Variants in ZNF804A observed in about 807,000 individuals in gnomAD.
The protein encoded by ZNF804A is zinc finger protein 804A.
A neutral mutation model predicts 16.5 loss-of-function variants in ZNF804A; 2 were observed. The ratio of observed to expected loss-of-function variants is 0.12; its 90% CI spans 0.05 to 0.38. ZNF804A has a LOEUF of 0.38. Ranked by LOEUF, ZNF804A falls within the 10% of genes least tolerant of loss-of-function variation. The probability of loss-of-function intolerance (pLI) is 0.99; values close to 1 mark genes in which losing one functional copy is unlikely to be tolerated. For synonymous variants in ZNF804A, 534 were observed against 489.6 expected, an observed-to-expected ratio of 1.09 and a Z score of -1.20; for missense variants, 1,473 against 1,390.7, an observed-to-expected ratio of 1.06 and a Z score of -0.94.
chr2:184,665,549 G>A (rs1226628757), intron 1 of ZNF804A, among the ~76,000 whole-genome samples: 1 of 152,136 alleles, frequency 6.6e-6, no homozygotes, highest in African/African-American at 2.4e-5. Context: ...TTATCTCACA[G>A]TTCTGTAGGT....
chr2:184,784,436 T>C (rs1055538487), intron 1 of ZNF804A, among the ~76,000 whole-genome samples: 6 of 151,988 alleles, frequency 3.9e-5, no homozygotes, highest in African/African-American at 1.4e-4. Flanking sequence ...TCTGATGGCA[T>C]ACAGTTTATT....
intron 1 of ZNF804A, among the ~76,000 whole-genome samples, chr2:184,682,099 G>T (rs541778064): frequency 6.6e-6 from 1 of 152,176 alleles, no homozygotes; most frequent in South Asian, 2.1e-4. Context: ...CTGAGTCTTC[G>T]CATGGGCCTG....
chr2:184,605,186 G>T (rs1397695811), intron 1 of ZNF804A, among the ~76,000 whole-genome samples: 1 of 152,018 alleles, frequency 6.6e-6, no homozygotes, highest in African/African-American at 2.4e-5. Context: ...TAGTACTGTT[G>T]AAGCGACTTG....
At chr2:184,916,375 T>A (rs1159986743) in intron 2 of ZNF804A, among the ~76,000 whole-genome samples, 1 of 152,128 alleles carries the variant, frequency 6.6e-6, no homozygotes, top group African/African-American at 2.4e-5. Context: ...TCACTCCAAC[T>A]TGAAAGATGG....
At chr2:184,685,134 G>A (rs760161201) in intron 1 of ZNF804A, among the ~76,000 whole-genome samples, 11 of 152,098 alleles carry the variant, frequency 7.2e-5, no homozygotes, top group Non-Finnish European at 1.2e-4. Flanking sequence ...AGCCAGGCAC[G>A]CTGGCTGCTA....
intron 1 of ZNF804A, among the ~76,000 whole-genome samples, chr2:184,651,326 A>G (rs1691979829): frequency 6.6e-6 from 1 of 152,202 alleles, no homozygotes; most frequent in Non-Finnish European, 1.5e-5. Context: ...TAAGACCTCA[A>G]ATTTTAAGAA....
intron 1 of ZNF804A, among the ~76,000 whole-genome samples, chr2:184,685,448 G>A (rs1692613065): frequency 6.6e-6 from 1 of 152,084 alleles, no homozygotes; most frequent in South Asian, 2.1e-4. Context: ...TTGTGTTACA[G>A]CTCTTTCAGT....
intron 1 of ZNF804A, among the ~76,000 whole-genome samples, chr2:184,751,171 A>G (rs1311590154): frequency 6.6e-6 from 1 of 151,482 alleles, no homozygotes; most frequent in Middle Eastern, 3.2e-3. Context: ...TCCAGATTTC[A>G]ATTTTTTTTG....
intron 1 of ZNF804A, among the ~76,000 whole-genome samples, chr2:184,729,373 A>G (rs1693474609): frequency 6.6e-6 from 1 of 151,908 alleles, no homozygotes; most frequent in South Asian, 2.1e-4. Context: ...TCAGCTCAGT[A>G]AGAAATACCT....
intron 1 of ZNF804A, among the ~76,000 whole-genome samples, chr2:184,773,188 A>T (rs950150002): frequency 4.6e-5 from 7 of 151,648 alleles, no homozygotes; most frequent in Non-Finnish European, 1.5e-5. Flanking sequence ...TTTAAAAAAA[A>T]CAGAGAAATA....
At chr2:184,723,507 A>G (rs1187871343) in intron 1 of ZNF804A, among the ~76,000 whole-genome samples, 3 of 151,856 alleles carry the variant, frequency 2.0e-5, no homozygotes, top group Non-Finnish European at 4.4e-5. Context: ...TATTGTAACT[A>G]TAAATACTGA....
rs759053144 is a variant in ZNF804A, at chr2:184,604,146, C to CTTTTTTTTTTTTTTTT, written c.111+5102_111+5117dup. On this transcript the variant is annotated intron_variant, in intron 1 of 3. Transcript: ENST00000302277. Reference sequence around the variant, plus strand: ...TTCAGGTTATGGATGACTGCAATTACTTTTTTTTTTTTTTTTTTTTTTTTT... The same window carrying CTTTTTTTTTTTTTTTT: ...TTCAGGTTATGGATGACTGCAATTACTTTTTTTTTTTTTTTTTTTTTTTTTTTTTTTTTTTTTTTTT... Among the ~76,000 whole-genome samples, 33 of 44,896 alleles carry CTTTTTTTTTTTTTTTT rather than the reference C, an allele frequency of 7.4e-4. 9 individuals are homozygous for CTTTTTTTTTTTTTTTT. The highest frequency in any genetic ancestry group is 1.3e-3 in the Non-Finnish European group (29 of 22,812). The allele number at this position is 44,896 out of a possible 152,430, so 29.5% of individuals were successfully genotyped here. A position where few individuals can be genotyped will look rare whatever the true frequency, so the allele number is the denominator to read the frequency against.
intron 2 of ZNF804A, 70 bp downstream of exon 2, chr2:184,866,582 A>T: frequency 7.9e-7 from 1 of 1,272,758 alleles, no homozygotes. Flanking sequence ...TGTAGACTCT[A>T]TGAATATGAT....
intron 1 of ZNF804A, among the ~76,000 whole-genome samples, chr2:184,848,189 G>A (rs1350309851): frequency 1.3e-5 from 2 of 152,028 alleles, no homozygotes; most frequent in African/African-American, 4.8e-5. Context: ...CTATTCAGGA[G>A]CACCCAGCCA....
intron 1 of ZNF804A, among the ~76,000 whole-genome samples, chr2:184,745,726 GAA>G (rs11355073): frequency 9.5e-5 from 14 of 146,808 alleles, no homozygotes; most frequent in Non-Finnish European, 1.7e-4. Flanking sequence ...TGTCTGAAGT[GAA>G]AAAAAAAAGA....
chr2:184,897,342 A>T (rs141618076), intron 2 of ZNF804A, among the ~76,000 whole-genome samples: 10 of 151,228 alleles, frequency 6.6e-5, no homozygotes, highest in African/African-American at 2.4e-4. Context: ...CCATACAGCA[A>T]TTTTTTCCCC....
intron 1 of ZNF804A, among the ~76,000 whole-genome samples, chr2:184,628,155 A>G (rs1691536701): frequency 6.6e-6 from 1 of 152,116 alleles, no homozygotes; most frequent in Non-Finnish European, 1.5e-5. Context: ...TCTCTACTAT[A>G]AATAAAAAAT....
intron 1 of ZNF804A, among the ~76,000 whole-genome samples, chr2:184,790,880 G>A (rs1268419208): frequency 6.6e-6 from 1 of 152,294 alleles, no homozygotes; most frequent in Admixed American, 6.5e-5. Flanking sequence ...TGGGATTATA[G>A]GCGTGAGCCA....
Position 184,936,538 on chromosome 2 carries a change from A to C in ZNF804A, c.1142A>C (p.Lys381Thr). The C allele has an allele frequency of 1.9e-6, 3 of 1,614,062 alleles. No homozygotes were observed. Among genetic ancestry groups the C allele is most frequent in the Non-Finnish European group, 2.5e-6 (3 of 1,179,972 alleles). ...CAAGCTACCACAGAGGAAAATGTTA[A>C]GCATAACGAGGCATCCACAACTGAG... ...SVQATTEENVKHNEASTTEVE... is the reference protein window; with the variant it reads ...SVQATTEENVTHNEASTTEVE... Residue 381 changes from lysine (K) to threonine (T), a missense_variant, in exon 4 of 4, where the codon AAG becomes ACG. Lys to Thr is a moderately conservative substitution (Grantham distance 78). Coordinates refer to ENST00000302277, the MANE Select transcript of ZNF804A (RefSeq NM_194250.2).
Sources: allele counts gnomAD v4.1 joint callset (sites outside exome capture counted in the v4.1 genomes callset), GRCh38; gene constraint gnomAD v4.1.1; transcripts MANE v1.5; gene names NCBI Gene and HGNC (gene_info 2026-07-23, HGNC 2026-07-21).